The following AAMP variants were observed in gnomAD, a reference collection of about 807,000 sequenced individuals.
AAMP encodes the protein angio associated migratory cell protein, also known as angio-associated migratory cell protein.
Under a neutral mutation model 51.1 loss-of-function variants are expected in AAMP, and 12 were observed. The observed-to-expected ratio is 0.23, with a 90% confidence interval of 0.15 to 0.38. The LOEUF (loss-of-function observed/expected upper bound fraction) is 0.38, where lower values mean the gene tolerates loss of function less well. Ranked by LOEUF, AAMP falls within the 10% of genes least tolerant of loss-of-function variation. The probability of loss-of-function intolerance (pLI) is 1.00; values close to 1 mark genes in which losing one functional copy is unlikely to be tolerated. For synonymous variants in AAMP, 210 were observed against 218.7 expected, an observed-to-expected ratio of 0.96 and a Z score of 0.35; for missense variants, 418 against 557.2, an observed-to-expected ratio of 0.75 and a Z score of 2.52.
chr2:218,265,036 C>T lies in AAMP; in HGVS notation c.1213G>A (p.Asp405Asn), dbSNP rs1690588316. The T allele has an allele frequency of 1.2e-6, 2 of 1,613,896 alleles. No individual in the cohort carries two copies. The highest frequency in any genetic ancestry group is 1.7e-6 in the Non-Finnish European group (2 of 1,180,034). ...DYRGHTAEILDFALSKDASLV... is the reference protein window; with the variant it reads ...DYRGHTAEILNFALSKDASLV... Reference sequence around the variant, plus strand: ...TTCACTTACTTGCTGAGGGCAAAGTCCAGGATCTCAGCCGTGTGGCCCCGG... The same window carrying T: ...TTCACTTACTTGCTGAGGGCAAAGTTCAGGATCTCAGCCGTGTGGCCCCGG... The change falls in exon 10 of 11, where the codon GAC (aspartate) becomes AAC (asparagine). Residue 405 changes from aspartate to asparagine, a missense_variant. Asp to Asn is a conservative substitution (Grantham distance 23, BLOSUM62 1). Transcript: ENST00000248450. The surrounding 1 kb of genome is among the most constrained non-coding windows in gnomAD (Gnocchi z 6.6).
chr2:218,269,518 C>T lies in AAMP; in HGVS notation c.138G>A (p.Glu46=), dbSNP rs746118979. The change falls in exon 2 of 11, where the codon GAG becomes GAA. Residue 46 remains glutamate, a synonymous_variant. Coordinates refer to ENST00000248450, the MANE Select transcript of AAMP (RefSeq NM_001087.5). ...GPPDPDDLAQ[E]MEDVDFEEEE... ...CTTCCTCAAAGTCCACATCTTCCAT[C>T]TCCTGGGCCAGGTCATCTGCTTTGG... is the stretch of plus-strand genomic sequence containing the variant. 30 of 1,614,106 alleles carry T rather than the reference C, an allele frequency of 1.9e-5. No homozygotes were observed. Among genetic ancestry groups the T allele is most frequent in the Non-Finnish European group, 2.4e-5 (28 of 1,180,056 alleles).
chr2:218,266,457 C>T lies in AAMP; in HGVS notation c.665G>A (p.Arg222Gln), dbSNP rs758361922. 3 of 1,613,974 alleles carry T rather than the reference C, an allele frequency of 1.9e-6. No individual in the cohort carries two copies. Among genetic ancestry groups the T allele is most frequent in the Admixed American group, 1.7e-5 (1 of 60,012 alleles). ...QGPNCPATCG[R>Q]VLPDGKRAVV... Reference sequence around the variant, plus strand: ...GGTGCTCTCACCATCAGGGAGGACTCGGCCACAGGTGGCTGGGCAGTTGGG... The same window carrying T: ...GGTGCTCTCACCATCAGGGAGGACTTGGCCACAGGTGGCTGGGCAGTTGGG... The change falls in exon 5 of 11, where the codon CGA becomes CAA. Residue 222 changes from arginine to glutamine, a missense_variant. Physicochemically the swap from Arg to Gln is conservative, Grantham distance 43. Transcript: ENST00000248450. This position sits in a 1 kb window ranked among gnomAD's most constrained non-coding sequence, Gnocchi z 4.7.
In AAMP at chr2:218,266,046, T is replaced by C. The variant is rs957682535; in HGVS notation, c.763+18A>G. 2.5e-6 allele frequency: 4 copies of C among 1,613,534 alleles called. No homozygotes were observed. Among genetic ancestry groups the C allele is most frequent in the African/African-American group, 1.3e-5 (1 of 74,998 alleles). On this transcript the variant is annotated intron_variant, in intron 6 of 10. Coordinates refer to ENST00000248450, the MANE Select transcript of AAMP (RefSeq NM_001087.5). This position sits in a 1 kb window ranked among gnomAD's most constrained non-coding sequence, Gnocchi z 4.7. ...TCCCTACAAAGGCCCAGGCTAACAC[T>C]TCCCCCACCTCTGATACCTTTCAGT...
Position 218,266,356 on chromosome 2 carries a change from G to A in AAMP, c.679+87C>T, listed in dbSNP as rs551476250. The A allele has an allele frequency of 2.6e-6, 4 of 1,551,814 alleles. No homozygotes were observed. The African/African-American group carries it at 4.1e-5, about 16-fold the overall frequency. On this transcript the variant is annotated intron_variant, in intron 5 of 10. Coordinates refer to ENST00000248450, the MANE Select transcript of AAMP (RefSeq NM_001087.5). This position sits in a 1 kb window ranked among gnomAD's most constrained non-coding sequence, Gnocchi z 4.7. The stretch of plus-strand genomic sequence containing the variant: ...CAGCAGGCCTCAGATTTTGCCGGCT[G>A]TGACCCAGAAGGCTGCTCTGGGAGG...
rs111705207 is a variant in AAMP at position 218,266,643 on chromosome 2, C to T, written c.535-56G>A. 7.5e-5 allele frequency: 118 copies of T among 1,580,178 alleles called. No homozygotes were observed. In the African/African-American group the frequency reaches 1.3e-3, roughly 17 times the overall value. ...CCCGTCACCCCATCCCACCTAGAAG[C>T]CTGCCCCATGAGCTCCACCCAAGGT... On this transcript the variant is annotated intron_variant, in intron 4 of 10. Coordinates refer to ENST00000248450, the MANE Select transcript of AAMP (RefSeq NM_001087.5). This position sits in a 1 kb window ranked among gnomAD's most constrained non-coding sequence, Gnocchi z 4.7.
intron 2 of AAMP, 22 bp downstream of exon 2, chr2:218,269,360 G>A (rs778006714): frequency 1.2e-6 from 2 of 1,613,102 alleles, no homozygotes; most frequent in African/African-American, 2.7e-5. Flanking sequence ...CTGATTTGAG[G>A]TGGATCGCCT....
rs1228061556 is a variant in AAMP, at chr2:218,265,219, G to A, written c.1075-45C>T. The A allele has an allele frequency of 2.6e-6, 4 of 1,568,240 alleles. No individual in the cohort carries two copies. In the African/African-American group the frequency reaches 5.4e-5, roughly 21 times the overall value. Reference sequence around the variant, plus strand: ...AGGCAGGGCGGAGGTTGGCAGGAGAGCTGAGAGCCATCTGCTCCCAATTCT... The same window carrying A: ...AGGCAGGGCGGAGGTTGGCAGGAGAACTGAGAGCCATCTGCTCCCAATTCT... On this transcript the variant is annotated intron_variant, in intron 9 of 10. Coordinates refer to ENST00000248450, the MANE Select transcript of AAMP (RefSeq NM_001087.5). This position sits in a 1 kb window ranked among gnomAD's most constrained non-coding sequence, Gnocchi z 6.6.
chr2:218,265,020 T>C lies in AAMP; in HGVS notation c.1229A>G (p.Lys410Arg), dbSNP rs1415300633. 1 of 1,613,786 alleles carries C rather than the reference T, an allele frequency of 6.2e-7. No individual in the cohort carries two copies. The highest frequency in any genetic ancestry group is 8.5e-7 in the Non-Finnish European group (1 of 1,180,016). The change falls in exon 10 of 11, where the codon AAA becomes AGA. Residue 410 changes from lysine to arginine, a missense_variant and splice_region_variant. Coordinates refer to ENST00000248450, the MANE Select transcript of AAMP (RefSeq NM_001087.5). This position sits in a 1 kb window ranked among gnomAD's most constrained non-coding sequence, Gnocchi z 6.6. ...CCCAGCCCTTGGCCAATTCACTTAC[T>C]TGCTGAGGGCAAAGTCCAGGATCTC... ...TAEILDFALS[K>R]DASLVVTTSG...
rs1474200533 is a variant in AAMP, at chr2:218,265,347, G to C, written c.1074+24C>G. On this transcript the variant is annotated intron_variant, in intron 9 of 10. Coordinates refer to ENST00000248450, the MANE Select transcript of AAMP (RefSeq NM_001087.5). The surrounding 1 kb of genome is among the most constrained non-coding windows in gnomAD (Gnocchi z 6.6). ...CACCACTATGGACACAGCCCACAGG[G>C]ACCCCAGCTCCAGCTGCCCATACCT... The C allele has an allele frequency of 1.3e-6, 2 of 1,546,082 alleles. No homozygotes were observed. The highest frequency in any genetic ancestry group is 3.9e-5 in the Admixed American group (2 of 51,212).
chr2:218,264,710 CT>C, intron 10 of AAMP, 102 bp from the exon 11 acceptor site: 1 of 1,069,576 alleles, frequency 9.3e-7, no homozygotes, highest in Non-Finnish European at 1.4e-6. Context: ...TTCTAGGGCC[CT>C]AGTGCCTAGC....
At position 218,266,130 on chromosome 2, in the gene AAMP, C is replaced by T; in HGVS notation, c.697G>A (p.Gly233Ser). ...ATCCTGATGGTCCCATCTTCATAGCCTACCACAGCTCTCTTCCCTGAAGAG... is the reference window on the plus strand; with the variant it reads ...ATCCTGATGGTCCCATCTTCATAGCTTACCACAGCTCTCTTCCCTGAAGAG... ...VLPDGKRAVV[G>S]YEDGTIRIWD... The change falls in exon 6 of 11, where the codon GGC (glycine) becomes AGC (serine). Residue 233 changes from glycine to serine, a missense_variant. Coordinates refer to ENST00000248450, the MANE Select transcript of AAMP (RefSeq NM_001087.5). The surrounding 1 kb of genome is among the most constrained non-coding windows in gnomAD (Gnocchi z 4.7). The T allele has an allele frequency of 1.2e-6, 2 of 1,614,160 alleles. No individual in the cohort carries two copies. Among genetic ancestry groups the T allele is most frequent in the Non-Finnish European group, 1.7e-6 (2 of 1,180,002 alleles).
chr2:218,270,125 G>T lies in AAMP; in HGVS notation c.-39C>A. The T allele has an allele frequency of 1.2e-6, 2 of 1,609,304 alleles. No individual in the cohort carries two copies. Among genetic ancestry groups the T allele is most frequent in the East Asian group, 2.2e-5 (1 of 44,814 alleles). On this transcript the variant is annotated 5_prime_UTR_variant, in exon 1 of 11. Transcript: ENST00000248450. ...CGGATCCACTTCTCTGGGCCCAAAC[G>T]CCTCCCAGAGTCAGCTCTGCGCGAC...
intron 2 of AAMP, among the ~76,000 whole-genome samples, chr2:218,268,761 C>T (rs1376886354): frequency 1.4e-5 from 2 of 147,116 alleles, no homozygotes; most frequent in South Asian, 2.1e-4. Flanking sequence ...TGCAATGGCG[C>T]AGTCTTGGTC....
chr2:218,269,764 G>A, intron 1 of AAMP: 1 of 1,001,392 alleles, frequency 1.0e-6, no homozygotes, highest in Non-Finnish European at 1.5e-6. Flanking sequence ...GTGTGTGAGG[G>A]GAAGGGCCAG....
Position 218,266,952 on chromosome 2 carries a change from G to C in AAMP, c.429C>G (p.Ser143Arg). Reference protein sequence around the residue: ...HKDSVTCAGFSHDSTLVATGD... With the variant: ...HKDSVTCAGFRHDSTLVATGD... ...CTGTGGCCACTAGAGTGGAGTCATG[G>C]CTGAAACCAGCACAAGTCACAGAGT... The change falls in exon 4 of 11, where the codon AGC becomes AGG. Residue 143 changes from serine (S) to arginine (R), a missense_variant. Ser to Arg is a moderately radical substitution (Grantham distance 110, BLOSUM62 -1). Coordinates refer to ENST00000248450, the MANE Select transcript of AAMP (RefSeq NM_001087.5). The surrounding 1 kb of genome is among the most constrained non-coding windows in gnomAD (Gnocchi z 4.7). 1 of 1,614,186 alleles carries C rather than the reference G, an allele frequency of 6.2e-7. No individual in the cohort carries two copies. The highest frequency in any genetic ancestry group is 8.5e-7 in the Non-Finnish European group (1 of 1,180,038).
chr2:218,267,120 G>C lies in AAMP; in HGVS notation c.395-134C>G. On this transcript the variant is annotated intron_variant, in intron 3 of 10. Coordinates refer to ENST00000248450, the MANE Select transcript of AAMP (RefSeq NM_001087.5). The surrounding 1 kb of genome is among the most constrained non-coding windows in gnomAD (Gnocchi z 4.6). Reference sequence around the variant, plus strand: ...AGGGGCGGGACTGAGCAGAACAGGTGCTGGAACTCACCACCACTCTAGGAA... The same window carrying C: ...AGGGGCGGGACTGAGCAGAACAGGTCCTGGAACTCACCACCACTCTAGGAA... The C allele has an allele frequency of 9.7e-7, 1 of 1,029,944 alleles. No individual in the cohort carries two copies. Among genetic ancestry groups the C allele is most frequent in the Non-Finnish European group, 1.4e-6 (1 of 713,022 alleles). 63.8% of individuals were successfully genotyped at this position (1,029,944 alleles called of 1,614,324 possible). A position where few individuals can be genotyped will look rare whatever the true frequency, so the allele number is the denominator to read the frequency against.
At chr2:218,268,682 T>C (rs1020894197) in intron 2 of AAMP, among the ~76,000 whole-genome samples, 2 of 150,510 alleles carry the variant, frequency 1.3e-5, no homozygotes, top group African/African-American at 4.9e-5. Context: ...TATTAACTTT[T>C]ATCAAAGATA....
chr2:218,267,098 G>A lies in AAMP; in HGVS notation c.395-112C>T, dbSNP rs1690652574. On this transcript the variant is annotated intron_variant, in intron 3 of 10. Coordinates refer to ENST00000248450, the MANE Select transcript of AAMP (RefSeq NM_001087.5). This position sits in a 1 kb window ranked among gnomAD's most constrained non-coding sequence, Gnocchi z 4.6. ...AAGGACCAGCTAGGAAAAAAAGAGG[G>A]GCGGGACTGAGCAGAACAGGTGCTG... 2 of 1,299,134 alleles carry A rather than the reference G, an allele frequency of 1.5e-6. No homozygotes were observed. Among genetic ancestry groups the A allele is most frequent in the African/African-American group, 1.5e-5 (1 of 67,898 alleles). The allele number at this position is 1,299,134 out of a possible 1,614,324, so 80.5% of individuals were successfully genotyped here.
chr2:218,269,516 A>G lies in AAMP; in HGVS notation c.140T>C (p.Met47Thr). 1 of 1,613,900 alleles carries G rather than the reference A, an allele frequency of 6.2e-7. No individual in the cohort carries two copies. Among genetic ancestry groups the G allele is most frequent in the Non-Finnish European group, 8.5e-7 (1 of 1,179,982 alleles). Residue 47 changes from methionine (M) to threonine (T), a missense_variant, in exon 2 of 11, where the codon ATG (methionine) becomes ACG (threonine). Met to Thr is a moderately conservative substitution (Grantham distance 81, BLOSUM62 -1). Transcript: ENST00000248450. The stretch of plus-strand genomic sequence containing the variant: ...TTCTTCCTCAAAGTCCACATCTTCC[A>G]TCTCCTGGGCCAGGTCATCTGCTTT... Reference protein sequence around the residue: ...PPDPDDLAQEMEDVDFEEEEE... With the variant: ...PPDPDDLAQETEDVDFEEEEE...
Sources: allele counts gnomAD v4.1 joint callset (sites outside exome capture counted in the v4.1 genomes callset), GRCh38; gene constraint gnomAD v4.1.1; non-coding constraint Gnocchi (gnomAD v3.1); transcripts MANE v1.5; gene names NCBI Gene and HGNC (gene_info 2026-07-23, HGNC 2026-07-21).